The following PLCB1 variants were observed in gnomAD, a reference collection of about 807,000 sequenced individuals.
The protein encoded by PLCB1 is phospholipase C beta 1, also known as 1-phosphatidylinositol 4,5-bisphosphate phosphodiesterase beta-1.
In PLCB1, 46 loss-of-function variants were observed where a neutral mutation model predicts 161.8. The ratio of observed to expected loss-of-function variants is 0.28; its 90% confidence interval spans 0.22 to 0.36. PLCB1 has a LOEUF of 0.36. Ranked by LOEUF, PLCB1 falls within the 10% of genes least tolerant of loss-of-function variation. PLCB1 has a pLI of 1.00. For missense variants in PLCB1, 1,016 were observed against 1,472.5 expected, an observed-to-expected ratio of 0.69 and a Z score of 5.07; for synonymous variants, 517 against 503.7, an observed-to-expected ratio of 1.03 and a Z score of -0.35.
intron 2 of PLCB1, among the ~76,000 whole-genome samples, chr20:8,200,168 A>G (rs2052077926): frequency 6.6e-6 from 1 of 152,096 alleles, no homozygotes; most frequent in Non-Finnish European, 1.5e-5. Context: ...GATATACACA[A>G]GTATGTCATA....
At chr20:8,584,883 GT>G (rs1241201825) in intron 3 of PLCB1, among the ~76,000 whole-genome samples, 4 of 152,154 alleles carry the variant, frequency 2.6e-5, no homozygotes, top group African/African-American at 9.6e-5. Context: ...TAGAGATGAT[GT>G]TTCACCATGT....
chr20:8,419,573 T>G (rs1475897820), intron 3 of PLCB1, among the ~76,000 whole-genome samples: 1 of 152,228 alleles, frequency 6.6e-6, no homozygotes, highest in Non-Finnish European at 1.5e-5. Context: ...ATAGGCTTTG[T>G]GTTAGATAAT....
chr20:8,635,918 ATTTATT>A (rs1988748851), intron 4 of PLCB1, among the ~76,000 whole-genome samples: 2 of 152,174 alleles, frequency 1.3e-5, no homozygotes, highest in Non-Finnish European at 2.9e-5. Flanking sequence ...AGGTTCTTAT[ATTTATT>A]TTTATTCTGG....
chr20:8,606,836 G>T (rs1568527375), intron 3 of PLCB1, among the ~76,000 whole-genome samples: 1 of 152,122 alleles, frequency 6.6e-6, no homozygotes, highest in Non-Finnish European at 1.5e-5. Context: ...ACTTGGAAAA[G>T]TATTTCAAGG....
intron 3 of PLCB1, among the ~76,000 whole-genome samples, chr20:8,508,978 A>G (rs1983759889): frequency 6.6e-6 from 1 of 152,126 alleles, no homozygotes; most frequent in South Asian, 2.1e-4. Context: ...ATTTAAGAAA[A>G]ATTCTTTCAG....
chr20:8,732,946 G>A (rs555383837), intron 18 of PLCB1, among the ~76,000 whole-genome samples: 1 of 149,620 alleles, frequency 6.7e-6, no homozygotes, highest in East Asian at 2.0e-4. Flanking sequence ...ATTTGAGACA[G>A]CTGTTATAAT....
intron 3 of PLCB1, among the ~76,000 whole-genome samples, chr20:8,486,307 T>C (rs879851089): frequency 5.3e-4 from 81 of 152,156 alleles, no homozygotes; most frequent in Non-Finnish European, 9.7e-4. Flanking sequence ...GAATTTCTCA[T>C]ATATCTTTCA....
chr20:8,274,392 T>G (rs1982428523), intron 2 of PLCB1, among the ~76,000 whole-genome samples: 2 of 152,182 alleles, frequency 1.3e-5, no homozygotes, highest in African/African-American at 4.8e-5. Flanking sequence ...TGTTTTAATA[T>G]TGATTGCCTC....
chr20:8,333,472 C>G (rs1245754472), intron 2 of PLCB1, among the ~76,000 whole-genome samples: 1 of 152,106 alleles, frequency 6.6e-6, no homozygotes, highest in African/African-American at 2.4e-5. Flanking sequence ...TTCATGGCCT[C>G]AGAGCAATGT....
intron 4 of PLCB1, among the ~76,000 whole-genome samples, chr20:8,644,887 G>A (rs982695169): frequency 6.6e-6 from 1 of 152,168 alleles, no homozygotes; most frequent in Admixed American, 6.5e-5. Flanking sequence ...GAATAGAAAG[G>A]GGGGAAAGGT....
At chr20:8,402,560 C>T (rs752336567) in intron 3 of PLCB1, among the ~76,000 whole-genome samples, 2 of 151,742 alleles carry the variant, frequency 1.3e-5, no homozygotes, top group Admixed American at 6.6e-5. Flanking sequence ...CCAGGCCGGG[C>T]GTGGTGGCTC....
At chr20:8,545,524 A>G (rs1021754767) in intron 3 of PLCB1, among the ~76,000 whole-genome samples, 1 of 152,208 alleles carries the variant, frequency 6.6e-6, no homozygotes, top group Non-Finnish European at 1.5e-5. Flanking sequence ...TAAAAACTAA[A>G]TGCAATGATT....
intron 12 of PLCB1, 65 bp downstream of exon 12, chr20:8,708,817 A>G: frequency 1.1e-6 from 1 of 946,842 alleles, no homozygotes. Context: ...GTAATTGTTT[A>G]TCAGATTTAA....
intron 2 of PLCB1, among the ~76,000 whole-genome samples, chr20:8,250,317 GTTAA>G (rs1334712668): frequency 6.6e-6 from 1 of 151,830 alleles, no homozygotes; most frequent in Non-Finnish European, 1.5e-5. Flanking sequence ...TTTTTAGTTA[GTTAA>G]TTAAGGAGAA....
At chr20:8,261,503 G>A (rs1395880666) in intron 2 of PLCB1, among the ~76,000 whole-genome samples, 1 of 152,110 alleles carries the variant, frequency 6.6e-6, no homozygotes, top group African/African-American at 2.4e-5. Flanking sequence ...CCAGCTTTGC[G>A]GTTGATGTCG....
chr20:8,222,748 A>G (rs1308673915), intron 2 of PLCB1, among the ~76,000 whole-genome samples: 1 of 152,104 alleles, frequency 6.6e-6, no homozygotes, highest in Non-Finnish European at 1.5e-5. Flanking sequence ...TATTTTTAAT[A>G]ATTTTGTTCA....
intron 2 of PLCB1, among the ~76,000 whole-genome samples, chr20:8,248,988 A>G (rs1237026268): frequency 6.6e-6 from 1 of 151,944 alleles, no homozygotes; most frequent in Non-Finnish European, 1.5e-5. Context: ...AGATTTTAGG[A>G]AAGACCAACT....
intron 26 of PLCB1, among the ~76,000 whole-genome samples, chr20:8,773,149 T>C (rs1334368865): frequency 6.6e-6 from 1 of 152,142 alleles, no homozygotes; most frequent in Non-Finnish European, 1.5e-5. Context: ...CCCTTCCCCA[T>C]GTGATGCCAC....
intron 2 of PLCB1, among the ~76,000 whole-genome samples, chr20:8,295,809 A>C (rs1288999358): frequency 6.6e-6 from 1 of 152,082 alleles, no homozygotes. Context: ...TCCCGAACTC[A>C]AGTGATCCTC....
Sources: allele counts gnomAD v4.1 joint callset (sites outside exome capture counted in the v4.1 genomes callset), GRCh38; gene constraint gnomAD v4.1.1; transcripts MANE v1.5; gene names NCBI Gene and HGNC (gene_info 2026-07-23, HGNC 2026-07-21).